Variants in MCM10 observed in about 807,000 individuals in gnomAD.
The protein encoded by MCM10 is protein MCM10 homolog.
A neutral mutation model predicts 109.9 loss-of-function variants in MCM10; 91 were observed. The observed-to-expected ratio is 0.83, with a 90% confidence interval of 0.70 to 0.99. The LOEUF (loss-of-function observed/expected upper bound fraction) is 0.99, where lower values mean the gene tolerates loss of function less well. MCM10 is among the 50% of genes least tolerant of loss of function. The pLI is 0.00. For missense variants in MCM10, 1,077 were observed against 1,061.2 expected (o/e 1.01, Z -0.21); for synonymous variants, 380 against 387.2 (o/e 0.98, Z 0.22).
Position 13,170,968 on chromosome 10 carries a change from T to G in MCM10, c.54T>G (p.Asn18Lys). 1 of 1,614,174 alleles carries G rather than the reference T, an allele frequency of 6.2e-7. No homozygotes were observed. Among genetic ancestry groups the G allele is most frequent in the Non-Finnish European group, 8.5e-7 (1 of 1,180,030 alleles). The change falls in exon 3 of 20, where the codon AAT becomes AAG. Residue 18 changes from asparagine (N) to lysine (K), a missense_variant. Asn to Lys is a moderately conservative substitution (Grantham distance 94). Coordinates refer to ENST00000378714, the MANE Select transcript of MCM10 (RefSeq NM_018518.5). Reference sequence around the variant, plus strand: ...TGCTGACCGCACTGCTGGAAGAAAATGAGTCAGCCTTGGATTGTAATTCAG... The same window carrying G: ...TGCTGACCGCACTGCTGGAAGAAAAGGAGTCAGCCTTGGATTGTAATTCAG... ...LSLLTALLEE[N>K]ESALDCNSEE...
chr10:13,204,496 G>T (rs1207934157), intron 18 of MCM10, 132 bp downstream of exon 18: 4 of 1,141,332 alleles, frequency 3.5e-6, no homozygotes, highest in Non-Finnish European at 4.9e-6. Flanking sequence ...CTACCCTTGG[G>T]ACTCAAGCTG....
intron 9 of MCM10, 61 bp from the exon 10 acceptor site, chr10:13,188,820 G>T: frequency 7.1e-7 from 1 of 1,404,748 alleles, no homozygotes; most frequent in South Asian, 1.2e-5. Context: ...AACTGTGTCT[G>T]CTCACTGCTG....
At chr10:13,183,688 C>T (rs1834237884) in intron 8 of MCM10, among the ~76,000 whole-genome samples, 1 of 151,342 alleles carries the variant, frequency 6.6e-6, no homozygotes, top group Non-Finnish European at 1.5e-5. Flanking sequence ...GGATTCATAC[C>T]TTCTTTTTTT....
At chr10:13,204,578 G>T (rs1277420325) in intron 18 of MCM10, 13 of 509,276 alleles carry the variant, frequency 2.6e-5, no homozygotes, top group Non-Finnish European at 6.9e-6. Flanking sequence ...ATAGTGCCTG[G>T]CCCATAAGGG....
chr10:13,192,531 G>A lies in MCM10; in HGVS notation c.1708G>A (p.Glu570Lys). 6.2e-7 allele frequency: 1 copy of A among 1,614,180 alleles called. No individual in the cohort carries two copies. The highest frequency in any genetic ancestry group is 1.7e-5 in the Admixed American group (1 of 60,022). ...GAAGCAACAGAAGCAGCGGATGTTGGAGATGAGGAGAAGGAAATCAGAAGA... is the reference window on the plus strand; with the variant it reads ...GAAGCAACAGAAGCAGCGGATGTTGAAGATGAGGAGAAGGAAATCAGAAGA... ...LLKQQKQRMLEMRRRKSEEIQ... is the reference protein window; with the variant it reads ...LLKQQKQRMLKMRRRKSEEIQ... The change falls in exon 13 of 20, where the codon GAG becomes AAG. Residue 570 changes from glutamate (E) to lysine (K), a missense_variant. Physicochemically the swap from Glu to Lys is moderately conservative, Grantham distance 56. Transcript: ENST00000378714.
rs752791668 is a variant in MCM10 at position 13,180,443 on chromosome 10, C to T, written c.766C>T (p.Arg256Trp). ...VEAFSGLRLR[R>W]PRVSSTEMNK... The stretch of plus-strand genomic sequence containing the variant: ...CTAATCGCTGGTTTCTTAACCCAGG[C>T]GGCCTCGAGTATCCTCCACAGAAAT... Residue 256 changes from arginine to tryptophan, a missense_variant and splice_region_variant, in exon 7 of 20, where the codon CGG (arginine) becomes TGG (tryptophan). Coordinates refer to ENST00000378714, the MANE Select transcript of MCM10 (RefSeq NM_018518.5). The T allele has an allele frequency of 3.4e-5, 55 of 1,606,258 alleles. No individual in the cohort carries two copies. Among genetic ancestry groups the T allele is most frequent in the East Asian group, 6.7e-5 (3 of 44,762 alleles).
At chr10:13,188,126 C>T (rs1407438980) in intron 9 of MCM10, among the ~76,000 whole-genome samples, 2 of 151,976 alleles carry the variant, frequency 1.3e-5, no homozygotes, top group African/African-American at 4.8e-5. Context: ...GCCTGGGTGA[C>T]AGAGCGAGAC....
Position 13,201,544 on chromosome 10 carries a change from G to A in MCM10, c.2352+10G>A, listed in dbSNP as rs371607378. ...CGTGACATGCAAGACGGTGGGTGAA[G>A]GTGGGGGCTGCAGCAACCCATGGGC... On this transcript the variant is annotated intron_variant, in intron 17 of 19. Transcript: ENST00000378714. 1.1e-4 allele frequency: 176 copies of A among 1,594,514 alleles called. No homozygotes were observed. In the African/African-American group the frequency reaches 2.3e-3, roughly 21 times the overall value.
chr10:13,190,408 G>C (rs973874418), intron 10 of MCM10, among the ~76,000 whole-genome samples: 2 of 152,158 alleles, frequency 1.3e-5, no homozygotes, highest in African/African-American at 2.4e-5. Flanking sequence ...TCTAGGCCAG[G>C]CACAGTGGCT....
In MCM10 at chr10:13,175,660, C is replaced by T. The variant is rs754237837; in HGVS notation, c.743C>T (p.Ala248Val). Residue 248 changes from alanine (A) to valine (V), a missense_variant, in exon 6 of 20, where the codon GCC becomes GTC. Ala to Val is a moderately conservative substitution (Grantham distance 64, BLOSUM62 0). Coordinates refer to ENST00000378714, the MANE Select transcript of MCM10 (RefSeq NM_018518.5). ...ACGACTCAACCCATCTGTGTGGAAG[C>T]CTTCTCTGGTCTGCGGCTCAGGTCA... ...GETTQPICVE[A>V]FSGLRLRRPR... 1 of 1,609,082 alleles carries T rather than the reference C, an allele frequency of 6.2e-7. No homozygotes were observed. Among genetic ancestry groups the T allele is most frequent in the Non-Finnish European group, 8.5e-7 (1 of 1,177,212 alleles).
intron 2 of MCM10, among the ~76,000 whole-genome samples, chr10:13,165,976 G>A (rs960393560): frequency 5.3e-5 from 8 of 151,884 alleles, no homozygotes; most frequent in South Asian, 2.1e-4. Flanking sequence ...AGAGGAAATC[G>A]GAGACTGTAT....
intron 8 of MCM10, among the ~76,000 whole-genome samples, chr10:13,183,733 G>A (rs1320003764): frequency 6.6e-6 from 1 of 151,554 alleles, no homozygotes; most frequent in East Asian, 1.9e-4. Context: ...TGCCCGGGCT[G>A]GAGTACAGTC....
At chr10:13,176,582 G>A (rs1834144511) in intron 6 of MCM10, among the ~76,000 whole-genome samples, 1 of 152,202 alleles carries the variant, frequency 6.6e-6, no homozygotes, top group Non-Finnish European at 1.5e-5. Flanking sequence ...AGGAGAACAA[G>A]TGTTGCCAAC....
intron 18 of MCM10, among the ~76,000 whole-genome samples, chr10:13,206,185 T>A (rs1443473785): frequency 6.6e-6 from 1 of 152,208 alleles, no homozygotes; most frequent in Non-Finnish European, 1.5e-5. Flanking sequence ...CTCATTTGAT[T>A]TTGTTTCTCA....
At chr10:13,192,621 C>A in intron 13 of MCM10, 53 bp downstream of exon 13, 1 of 1,481,486 alleles carries the variant, frequency 6.7e-7, no homozygotes. Context: ...CTCAGGCGTC[C>A]TCAGAACGTC....
chr10:13,189,469 C>T (rs1049193323), intron 10 of MCM10, among the ~76,000 whole-genome samples: 4 of 152,034 alleles, frequency 2.6e-5, no homozygotes, highest in African/African-American at 4.8e-5. Flanking sequence ...ACTACAGGCG[C>T]GTGCCACCAC....
At position 13,198,812 on chromosome 10, in the gene MCM10, G is replaced by A. The variant is rs368647686; in HGVS notation, c.2238+5G>A. On this transcript the variant is annotated splice_donor_5th_base_variant and intron_variant, in intron 16 of 19. Coordinates refer to ENST00000378714, the MANE Select transcript of MCM10 (RefSeq NM_018518.5). ...CACACAGGCATCCTGAAAGAGGTAA[G>A]AGCCCAAAAGCTCAAGGATGGTGTT... 1 of 1,589,592 alleles carries A rather than the reference G, an allele frequency of 6.3e-7. No homozygotes were observed. The highest frequency in any genetic ancestry group is 1.1e-5 in the South Asian group (1 of 90,602).
chr10:13,189,136 C>T, intron 10 of MCM10, 56 bp downstream of exon 10: 2 of 1,568,842 alleles, frequency 1.3e-6, no homozygotes, highest in Non-Finnish European at 1.8e-6. Context: ...AAAGACTAAA[C>T]CTACTGGTTG....
In MCM10 at chr10:13,182,551, C is replaced by T. The variant is rs937558556; in HGVS notation, c.931-382C>T. On this transcript the variant is annotated intron_variant, in intron 7 of 19. Coordinates refer to ENST00000378714, the MANE Select transcript of MCM10 (RefSeq NM_018518.5). This position sits in a 1 kb window ranked among gnomAD's most constrained non-coding sequence, Gnocchi z 4.2. ...TCATTTACCTAATATTGATTCATATCAGTAAGTTATTAAATGGTACTGTCA... is the reference window on the plus strand; with the variant it reads ...TCATTTACCTAATATTGATTCATATTAGTAAGTTATTAAATGGTACTGTCA... Among the ~76,000 whole-genome samples, 5 of 152,056 alleles carry T rather than the reference C, an allele frequency of 3.3e-5. No homozygotes were observed. The highest frequency in any genetic ancestry group is 1.2e-4 in the African/African-American group (5 of 41,394).
Sources: allele counts gnomAD v4.1 joint callset (sites outside exome capture counted in the v4.1 genomes callset), GRCh38; gene constraint gnomAD v4.1.1; non-coding constraint Gnocchi (gnomAD v3.1); transcripts MANE v1.5; gene names NCBI Gene and HGNC (gene_info 2026-07-23, HGNC 2026-07-21).